The following PDE7B variants were observed in gnomAD, a reference collection of about 807,000 sequenced individuals.
The protein encoded by PDE7B is phosphodiesterase 7B.
A neutral mutation model predicts 56.2 loss-of-function variants in PDE7B; 29 were observed. That is an observed-to-expected ratio of 0.52 (90% confidence interval 0.38 to 0.70). PDE7B has a LOEUF of 0.70. PDE7B is among the 30% of genes least tolerant of loss of function. The probability of loss-of-function intolerance (pLI) is 0.00; values close to 1 mark genes in which losing one functional copy is unlikely to be tolerated. For missense variants in PDE7B, 490 were observed against 565.0 expected (o/e 0.87, Z 1.35); for synonymous variants, 197 against 196.9 (o/e 1.00, Z 0.00).
chr6:135,924,617 CTTT>C (rs3037775), intron 1 of PDE7B, among the ~76,000 whole-genome samples: 631 of 49,464 alleles, frequency 0.013, 4 homozygotes, highest in African/African-American at 0.058. Context: ...CTCTCTCTCT[CTTT>C]TTTTTTTTTT....
intron 3 of PDE7B, among the ~76,000 whole-genome samples, chr6:136,135,314 G>C (rs1228703652): frequency 6.6e-6 from 1 of 151,612 alleles, no homozygotes; most frequent in Non-Finnish European, 1.5e-5. Flanking sequence ...TCCTCTTTTT[G>C]GTGGTTTTAT....
chr6:136,048,251 C>T (rs7766011), intron 2 of PDE7B, among the ~76,000 whole-genome samples: 74,005 of 151,968 alleles, frequency 0.49, 21,147 homozygotes, highest in African/African-American at 0.78. Context: ...GGGCTGGGCG[C>T]GGTGGCTCAC....
At chr6:135,861,625 A>G (rs1040807815) in intron 1 of PDE7B, among the ~76,000 whole-genome samples, 1 of 151,166 alleles carries the variant, frequency 6.6e-6, no homozygotes, top group Non-Finnish European at 1.5e-5. Context: ...TGTTTTTATC[A>G]TTTTTGATTC....
At chr6:135,935,885 T>C (rs959436259) in intron 1 of PDE7B, among the ~76,000 whole-genome samples, 1 of 152,248 alleles carries the variant, frequency 6.6e-6, no homozygotes, top group Non-Finnish European at 1.5e-5. Flanking sequence ...GTCTCAGCGC[T>C]GTCCATGTGG....
At chr6:135,863,437 G>C (rs182088352) in intron 1 of PDE7B, among the ~76,000 whole-genome samples, 3 of 151,992 alleles carry the variant, frequency 2.0e-5, no homozygotes. Context: ...TTAGTTCTTG[G>C]GGAGCCAAAA....
intron 2 of PDE7B, among the ~76,000 whole-genome samples, chr6:135,957,359 G>C (rs2128200879): frequency 6.6e-6 from 1 of 152,292 alleles, no homozygotes; most frequent in South Asian, 2.1e-4. Context: ...TGAGGACCCA[G>C]CTGAGTTGGA....
At chr6:136,089,032 C>G (rs1777339948) in intron 2 of PDE7B, among the ~76,000 whole-genome samples, 1 of 151,926 alleles carries the variant, frequency 6.6e-6, no homozygotes, top group Non-Finnish European at 1.5e-5. Context: ...ATCAGATATT[C>G]TTTCTCACCT....
chr6:135,871,262 T>A (rs995539129), intron 1 of PDE7B, among the ~76,000 whole-genome samples: 2 of 152,328 alleles, frequency 1.3e-5, no homozygotes, highest in East Asian at 3.9e-4. Flanking sequence ...ATTTACAAAG[T>A]TGATTAGAAC....
chr6:135,930,200 C>A (rs191734967), intron 1 of PDE7B, among the ~76,000 whole-genome samples: 3 of 152,212 alleles, frequency 2.0e-5, no homozygotes, highest in Admixed American at 2.0e-4. Context: ...AAAGAGAGAG[C>A]TTGTGTGGGG....
chr6:135,920,853 T>C lies in PDE7B; in HGVS notation c.22-26611T>C, dbSNP rs561263612. On this transcript the variant is annotated intron_variant, in intron 1 of 12. Coordinates refer to ENST00000308191, the MANE Select transcript of PDE7B (RefSeq NM_018945.4). ...CAATCCCATTGAAAATGTCTTGGAA[T>C]TGTCCCTAGCTTCATCAGTAAGTGC... Among the ~76,000 whole-genome samples the C allele has an allele frequency of 6.6e-5, 10 of 152,320 alleles. No homozygotes were observed. The South Asian group carries it at 2.1e-3, about 32-fold the overall frequency.
At chr6:135,952,554 C>G (rs1461881915) in intron 2 of PDE7B, among the ~76,000 whole-genome samples, 1 of 151,984 alleles carries the variant, frequency 6.6e-6, no homozygotes, top group Non-Finnish European at 1.5e-5. Context: ...TATGCAACAC[C>G]AACTCGACTG....
At chr6:135,880,811 G>A (rs1358534895) in intron 1 of PDE7B, among the ~76,000 whole-genome samples, 1 of 152,180 alleles carries the variant, frequency 6.6e-6, no homozygotes, top group Non-Finnish European at 1.5e-5. Flanking sequence ...AAGCAGTTGT[G>A]TTCACGGGGT....
At chr6:136,085,333 T>C (rs1386659990) in intron 2 of PDE7B, among the ~76,000 whole-genome samples, 6 of 152,216 alleles carry the variant, frequency 3.9e-5, no homozygotes, top group Non-Finnish European at 5.9e-5. Flanking sequence ...AATATATATA[T>C]ATGTTTTTGC....
intron 2 of PDE7B, among the ~76,000 whole-genome samples, chr6:136,102,386 A>C (rs1777577327): frequency 6.6e-6 from 1 of 152,214 alleles, no homozygotes; most frequent in South Asian, 2.1e-4. Flanking sequence ...TGTGCTAAGC[A>C]ATTTATATAT....
At chr6:136,054,243 G>A (rs994771356) in intron 2 of PDE7B, among the ~76,000 whole-genome samples, 6 of 152,132 alleles carry the variant, frequency 3.9e-5, no homozygotes, top group African/African-American at 1.4e-4. Flanking sequence ...AAGGTGTAAG[G>A]AAGGGATCCA....
intron 2 of PDE7B, among the ~76,000 whole-genome samples, chr6:136,016,465 G>A (rs1373524575): frequency 1.3e-5 from 2 of 152,170 alleles, no homozygotes; most frequent in Non-Finnish European, 2.9e-5. Flanking sequence ...ATAAGCGCTC[G>A]ATAAATATTA....
intron 2 of PDE7B, among the ~76,000 whole-genome samples, chr6:135,988,636 T>C (rs769143919): frequency 6.6e-6 from 1 of 152,184 alleles, no homozygotes; most frequent in East Asian, 1.9e-4. Context: ...TTCTTCTTCC[T>C]TAGAGATACA....
At chr6:136,110,748 T>C (rs897552800) in intron 3 of PDE7B, among the ~76,000 whole-genome samples, 1 of 151,990 alleles carries the variant, frequency 6.6e-6, no homozygotes, top group African/African-American at 2.4e-5. Context: ...TTTGCCTCTT[T>C]TACTTTTGTA....
chr6:136,138,274 T>C (rs1778250747), intron 3 of PDE7B, among the ~76,000 whole-genome samples: 1 of 152,112 alleles, frequency 6.6e-6, no homozygotes, highest in African/African-American at 2.4e-5. Flanking sequence ...AGCTATGCAC[T>C]GGGAGTCCTT....
Sources: gnomAD v4.1 joint callset for allele counts (sites outside exome capture counted in the v4.1 genomes callset) on GRCh38, gnomAD v4.1.1 for gene constraint, MANE v1.5 for transcripts, NCBI Gene and HGNC (gene_info 2026-07-23, HGNC 2026-07-21) for gene names.